Variants in GP2 observed in about 807,000 individuals in gnomAD.
The protein encoded by GP2 is pancreatic secretory granule membrane major glycoprotein GP2.
A neutral mutation model predicts 60.8 loss-of-function variants in GP2; 58 were observed. The observed-to-expected ratio is 0.95, with a 90% CI of 0.77 to 1.19. The LOEUF (loss-of-function observed/expected upper bound fraction) is 1.19, where lower values mean the gene tolerates loss of function less well. Among genes scored for constraint, GP2 ranks in the 50% most tolerant of loss-of-function variants. The probability of loss-of-function intolerance (pLI) is 0.00; values close to 1 mark genes in which losing one functional copy is unlikely to be tolerated. For missense variants in GP2, 647 were observed against 667.4 expected (o/e 0.97, Z 0.34); for synonymous variants, 280 against 253.4 (o/e 1.10, Z -1.00).
rs564380046 is a variant in GP2 at position 20,316,580 on chromosome 16, G to A, written c.1417-540C>T. ...CTGAGACTTACATTAAAAAATGTATGCAGAAGTTTTAGCATAGTGCTTGAC... is the reference window on the plus strand; with the variant it reads ...CTGAGACTTACATTAAAAAATGTATACAGAAGTTTTAGCATAGTGCTTGAC... On this transcript the variant is annotated intron_variant, in intron 8 of 10. Coordinates refer to ENST00000302555, the MANE Select transcript of GP2 (RefSeq NM_001502.4). Among the ~76,000 whole-genome samples, 16 of 152,218 alleles carry A rather than the reference G, an allele frequency of 1.1e-4. No homozygotes were observed. In the East Asian group the frequency reaches 3.1e-3, roughly 29 times the overall value.
At chr16:20,326,307 A>G (rs1182816678) in intron 2 of GP2, 31 bp downstream of exon 2, 1 of 1,608,356 alleles carries the variant, frequency 6.2e-7, no homozygotes, top group Non-Finnish European at 8.5e-7. Context: ...CTTCCTTGAC[A>G]TCTGAGATGC....
intron 9 of GP2, 23 bp from the exon 10 acceptor site, chr16:20,314,724 T>C: frequency 6.3e-7 from 1 of 1,576,698 alleles, no homozygotes. Context: ...ACAGAAGGGG[T>C]GGGTTTCCTC....
At chr16:20,324,317 T>C in intron 2 of GP2, 61 bp from the exon 3 acceptor site, 1 of 1,100,794 alleles carries the variant, frequency 9.1e-7, no homozygotes, top group Non-Finnish European at 1.3e-6. Context: ...ACAGGATTTT[T>C]TCCCCTCCAT....
At chr16:20,317,407 T>C (rs1964217852) in intron 7 of GP2, 32 bp from the exon 8 acceptor site, 1 of 1,574,716 alleles carries the variant, frequency 6.4e-7, no homozygotes, top group Non-Finnish European at 8.7e-7. Flanking sequence ...AGGTGTAACT[T>C]CTAAAAACAG....
At chr16:20,322,771 C>T in intron 4 of GP2, 98 bp downstream of exon 4, 1 of 680,858 alleles carries the variant, frequency 1.5e-6, no homozygotes, top group Non-Finnish European at 2.7e-6. Context: ...GGTCCATGCC[C>T]CTGACTCTGC....
In GP2 at chr16:20,315,876, T is replaced by A; in HGVS notation, c.1501+80A>T. ...AGGTGGTACAAGAGCCCTGAGAAGT[T>A]GAGTTGGTGACCCCAGGCATCTGTG... On this transcript the variant is annotated intron_variant, in intron 9 of 10. Coordinates refer to ENST00000302555, the MANE Select transcript of GP2 (RefSeq NM_001502.4). 5 of 836,512 alleles carry A rather than the reference T, an allele frequency of 6.0e-6. No individual in the cohort carries two copies. The South Asian group carries it at 6.7e-5, about 11-fold the overall frequency. 51.8% of individuals were successfully genotyped at this position (836,512 alleles called of 1,614,324 possible).
chr16:20,318,285 G>T lies in GP2; in HGVS notation c.1153C>A (p.Gln385Lys). 1 of 1,613,466 alleles carries T rather than the reference G, an allele frequency of 6.2e-7. No individual in the cohort carries two copies. The highest frequency in any genetic ancestry group is 8.5e-7 in the Non-Finnish European group (1 of 1,179,374). The change falls in exon 7 of 11, where the codon CAA becomes AAA. Residue 385 changes from glutamine (Q) to lysine (K), a missense_variant. Coordinates refer to ENST00000302555, the MANE Select transcript of GP2 (RefSeq NM_001502.4). ...AGGTTAAACCGGGAGGTGTCCCCTT[G>T]TTCCAAGATGGCACCCACATACAGC... ...SVLYVGAILE[Q>K]GDTSRFNLVL...
rs565182731 is a variant in GP2 at position 20,311,014 on chromosome 16, C to G, written c.*209G>C. 9 of 409,386 alleles carry G rather than the reference C, an allele frequency of 2.2e-5. No individual in the cohort carries two copies. The highest frequency in any genetic ancestry group is 3.2e-5 in the Non-Finnish European group (7 of 219,202). 25.4% of individuals were successfully genotyped at this position (409,386 alleles called of 1,614,324 possible). A position where few individuals can be genotyped will look rare whatever the true frequency, so the allele number is the denominator to read the frequency against. On this transcript the variant is annotated 3_prime_UTR_variant, in exon 11 of 11. Transcript: ENST00000302555. The stretch of plus-strand genomic sequence containing the variant: ...TCAGGTGATCCACCTGCCTCAGCCT[C>G]CCAAAATGCTGGGATTACAGGCATG...
intron 4 of GP2, among the ~76,000 whole-genome samples, chr16:20,320,689 G>A (rs1352703116): frequency 5.3e-5 from 8 of 152,180 alleles, no homozygotes; most frequent in African/African-American, 1.9e-4. Flanking sequence ...GCTTGCTAAG[G>A]TTTTTTAGTC....
chr16:20,325,312 T>C (rs923142628), intron 2 of GP2, among the ~76,000 whole-genome samples: 2 of 152,244 alleles, frequency 1.3e-5, no homozygotes, highest in Non-Finnish European at 2.9e-5. Flanking sequence ...TTGCCTGTCC[T>C]ATTATTGACT....
chr16:20,315,339 A>C (rs1280998333), intron 9 of GP2, among the ~76,000 whole-genome samples: 2 of 152,182 alleles, frequency 1.3e-5, no homozygotes, highest in Admixed American at 6.5e-5. Flanking sequence ...TCATTCTTTC[A>C]CTTCTCCATC....
At position 20,317,326 on chromosome 16, in the gene GP2, A is replaced by G. The variant is rs995487869; in HGVS notation, c.1303T>C (p.Ser435Pro). 4.3e-6 allele frequency: 7 copies of G among 1,613,758 alleles called. No individual in the cohort carries two copies. The highest frequency in any genetic ancestry group is 5.9e-6 in the Non-Finnish European group (7 of 1,179,782). ...STIHVEENGQ[S>P]SESRFSVQMF... Reference sequence around the variant, plus strand: ...TGAACTGAGAACCGGCTTTCCGAGGACTGCCCATTCTCCTCCACGTGGATG... The same window carrying G: ...TGAACTGAGAACCGGCTTTCCGAGGGCTGCCCATTCTCCTCCACGTGGATG... The change falls in exon 8 of 11, where the codon TCC becomes CCC. Residue 435 changes from serine to proline, a missense_variant. Ser to Pro is a moderately conservative substitution (Grantham distance 74, BLOSUM62 -1). Transcript: ENST00000302555.
chr16:20,326,552 CT>C, intron 1 of GP2, 85 bp from the exon 2 acceptor site: 1 of 1,101,344 alleles, frequency 9.1e-7, no homozygotes, highest in South Asian at 1.6e-5. Context: ...TCATAAAGAG[CT>C]GCATTGTTTC....
At chr16:20,320,987 T>C (rs965563359) in intron 4 of GP2, among the ~76,000 whole-genome samples, 1 of 152,128 alleles carries the variant, frequency 6.6e-6, no homozygotes, top group Non-Finnish European at 1.5e-5. Flanking sequence ...CAGTTTCTAT[T>C]GCATTCATTA....
At chr16:20,311,390 C>T in intron 10 of GP2, 109 bp from the exon 11 acceptor site, 1 of 724,282 alleles carries the variant, frequency 1.4e-6, no homozygotes, top group South Asian at 1.5e-5. Flanking sequence ...GGCAAAGCAT[C>T]TTTGATATCT....
At chr16:20,317,034 T>C (rs1964197145) in intron 8 of GP2, among the ~76,000 whole-genome samples, 179 bp downstream of exon 8, 1 of 144,186 alleles carries the variant, frequency 6.9e-6, no homozygotes, top group Non-Finnish European at 1.5e-5. Context: ...CTTCTGTCCA[T>C]CCTTCCCTTC....
At chr16:20,311,747 G>T (rs1964002090) in intron 10 of GP2, among the ~76,000 whole-genome samples, 1 of 152,202 alleles carries the variant, frequency 6.6e-6, no homozygotes, top group East Asian at 1.9e-4. Flanking sequence ...GAGCAGAACT[G>T]CATCCCCTCC....
At chr16:20,323,756 T>A in intron 3 of GP2, 60 bp downstream of exon 3, 1 of 1,133,356 alleles carries the variant, frequency 8.8e-7, no homozygotes, top group Non-Finnish European at 1.3e-6. Context: ...CTCACTCTAC[T>A]GAGCCTGGGA....
chr16:20,326,293 A>G (rs1964532343), intron 2 of GP2, 45 bp downstream of exon 2: 1 of 1,588,304 alleles, frequency 6.3e-7, no homozygotes. Context: ...CTCACTTGCT[A>G]GGTCTTCCTT....
Sources: allele counts gnomAD v4.1 joint callset (sites outside exome capture counted in the v4.1 genomes callset), GRCh38; gene constraint gnomAD v4.1.1; transcripts MANE v1.5; gene names NCBI Gene and HGNC (gene_info 2026-07-23, HGNC 2026-07-21).